ADAMTSL3: variants seen among roughly 807,000 people sequenced by gnomAD.
The protein encoded by ADAMTSL3 is ADAMTS-like protein 3.
ADAMTSL3 carries 128 observed loss-of-function variants against 201.7 expected under a neutral mutation model. That is an observed-to-expected ratio of 0.63 (90% CI 0.55 to 0.73). The LOEUF (loss-of-function observed/expected upper bound fraction) is 0.73. ADAMTSL3 is among the 30% of genes least tolerant of loss of function. The pLI is 0.00. For missense variants in ADAMTSL3, 1,990 were observed against 2,119.6 expected (o/e 0.94, Z 1.20); for synonymous variants, 738 against 748.4 (o/e 0.99, Z 0.23).
chr15:83,982,148 T>G, intron 20 of ADAMTSL3, 125 bp from the exon 21 acceptor site: 1 of 762,350 alleles, frequency 1.3e-6, no homozygotes, highest in Non-Finnish European at 2.0e-6. Context: ...TTCTTGAATG[T>G]TTTAAAATAG....
At chr15:83,960,580 A>G (rs1015505591) in intron 19 of ADAMTSL3, among the ~76,000 whole-genome samples, 3 of 152,254 alleles carry the variant, frequency 2.0e-5, no homozygotes, top group Admixed American at 2.0e-4. Flanking sequence ...GCATATTTTT[A>G]TGCCTCCTTG....
At chr15:84,028,365 T>C (rs543029465) in intron 27 of ADAMTSL3, among the ~76,000 whole-genome samples, 1 of 152,244 alleles carries the variant, frequency 6.6e-6, no homozygotes, top group Admixed American at 6.5e-5. Context: ...AATTCTAACT[T>C]GATTAAAGAG....
intron 7 of ADAMTSL3, among the ~76,000 whole-genome samples, chr15:83,849,944 G>A (rs1002771585): frequency 1.3e-5 from 2 of 152,126 alleles, no homozygotes; most frequent in Non-Finnish European, 2.9e-5. Context: ...ATACATTGAA[G>A]TGAGTGAAAA....
At chr15:83,889,488 CA>C (rs887899627) in intron 10 of ADAMTSL3, among the ~76,000 whole-genome samples, 1 of 152,174 alleles carries the variant, frequency 6.6e-6, no homozygotes, top group African/African-American at 2.4e-5. Flanking sequence ...ATTTAAAACA[CA>C]TTATCATTTA....
intron 17 of ADAMTSL3, among the ~76,000 whole-genome samples, chr15:83,932,755 C>A (rs1438965179): frequency 1.3e-5 from 2 of 152,250 alleles, no homozygotes; most frequent in African/African-American, 4.8e-5. Context: ...TATCTTCTAC[C>A]CAGACCTTAA....
intron 23 of ADAMTSL3, among the ~76,000 whole-genome samples, chr15:83,995,843 G>A (rs1021200223): frequency 4.6e-5 from 7 of 152,112 alleles, no homozygotes; most frequent in Non-Finnish European, 7.4e-5. Flanking sequence ...GAATAACAAG[G>A]TGGGTGAGAT....
chr15:84,002,491 T>G (rs2141863200), intron 23 of ADAMTSL3, among the ~76,000 whole-genome samples: 1 of 152,334 alleles, frequency 6.6e-6, no homozygotes, highest in South Asian at 2.1e-4. Flanking sequence ...AACAACAGAC[T>G]GACCCAAAAG....
At chr15:83,995,182 T>A (rs1001567333) in intron 23 of ADAMTSL3, among the ~76,000 whole-genome samples, 1 of 152,150 alleles carries the variant, frequency 6.6e-6, no homozygotes, top group African/African-American at 2.4e-5. Context: ...GTGAAGGGAC[T>A]AACAACCAGA....
At chr15:83,818,998 C>G (rs1056601826) in intron 5 of ADAMTSL3, among the ~76,000 whole-genome samples, 8 of 152,130 alleles carry the variant, frequency 5.3e-5, no homozygotes, top group Non-Finnish European at 1.0e-4. Flanking sequence ...ACAGGCCGGG[C>G]ACTGTGGCTC....
chr15:83,870,742 CTT>C (rs1329350246), intron 8 of ADAMTSL3, 58 bp from the exon 9 acceptor site: 2 of 1,391,840 alleles, frequency 1.4e-6, no homozygotes, highest in Non-Finnish European at 9.7e-7. Context: ...GCTAAAATGT[CTT>C]TTGTAATAAA....
chr15:83,814,974 G>C (rs1001872176), intron 5 of ADAMTSL3, among the ~76,000 whole-genome samples: 2 of 152,170 alleles, frequency 1.3e-5, no homozygotes, highest in Admixed American at 1.3e-4. Flanking sequence ...GGTTTTAGGA[G>C]GGGAAGGAGA....
In ADAMTSL3 at chr15:83,773,545, A is replaced by G; in HGVS notation, c.212A>G (p.Asp71Gly). 1 of 1,613,894 alleles carries G rather than the reference A, an allele frequency of 6.2e-7. No homozygotes were observed. The highest frequency in any genetic ancestry group is 8.5e-7 in the Non-Finnish European group (1 of 1,179,976). ...DDQTSRNTRS[D>G]EDKDGNWDAW... ...TAGACCTCAAGAAACACTCGTTCAG[A>G]TGAAGACAAAGATGGCAACTGGGAT... The change falls in exon 4 of 30, where the codon GAT becomes GGT. Residue 71 changes from aspartate (D) to glycine (G), a missense_variant. Transcript: ENST00000286744.
At chr15:83,752,556 A>G (rs1188957972) in intron 3 of ADAMTSL3, among the ~76,000 whole-genome samples, 1 of 152,192 alleles carries the variant, frequency 6.6e-6, no homozygotes, top group African/African-American at 2.4e-5. Flanking sequence ...TTTACTTTCA[A>G]CTTTGTGACC....
At position 84,037,888 on chromosome 15, in the gene ADAMTSL3, CAT is replaced by C. The variant is rs1192700221; in HGVS notation, c.*83_*84del. On this transcript the variant is annotated 3_prime_UTR_variant, in exon 30 of 30. Transcript: ENST00000286744. ...TTTCCCCATGTCGCTGATTCAAAAACATGTATTTCTTAAAAGACTAGATTCTA... is the reference window on the plus strand; with the variant it reads ...TTTCCCCATGTCGCTGATTCAAAAACGTATTTCTTAAAAGACTAGATTCTA... 9.3e-6 allele frequency: 14 copies of C among 1,506,944 alleles called. No homozygotes were observed. Among genetic ancestry groups the C allele is most frequent in the African/African-American group, 1.4e-5 (1 of 71,218 alleles). The allele number at this position is 1,506,944 out of a possible 1,614,324, so 93.3% of individuals were successfully genotyped here.
intron 3 of ADAMTSL3, among the ~76,000 whole-genome samples, chr15:83,734,454 A>G (rs188210773): frequency 2.1e-4 from 32 of 152,308 alleles, no homozygotes; most frequent in African/African-American, 7.2e-4. Flanking sequence ...TGGCGTTACC[A>G]GGACACAGCT....
intron 3 of ADAMTSL3, among the ~76,000 whole-genome samples, chr15:83,764,742 G>C (rs1210375720): frequency 6.6e-6 from 1 of 152,086 alleles, no homozygotes; most frequent in Non-Finnish European, 1.5e-5. Flanking sequence ...TGGTTTCCCT[G>C]TACCCTGTCC....
chr15:83,782,909 AGC>A (rs1027772901), intron 4 of ADAMTSL3, among the ~76,000 whole-genome samples: 7 of 53,994 alleles, frequency 1.3e-4, no homozygotes, highest in African/African-American at 3.1e-4. Flanking sequence ...AGCAATGGAT[AGC>A]GTATATATAT....
intron 3 of ADAMTSL3, among the ~76,000 whole-genome samples, chr15:83,728,108 A>C (rs1026530599): frequency 1.3e-5 from 2 of 151,944 alleles, no homozygotes; most frequent in African/African-American, 2.4e-5. Flanking sequence ...CCTCTTTATC[A>C]TTATATAATG....
chr15:84,029,687 A>G (rs1485396263), intron 27 of ADAMTSL3, among the ~76,000 whole-genome samples: 1 of 152,200 alleles, frequency 6.6e-6, no homozygotes, highest in African/African-American at 2.4e-5. Flanking sequence ...AGAAATTTGC[A>G]TAAGGAATGA....
Sources: gnomAD v4.1 joint callset for allele counts (sites outside exome capture counted in the v4.1 genomes callset) on GRCh38, gnomAD v4.1.1 for gene constraint, MANE v1.5 for transcripts, NCBI Gene and HGNC (gene_info 2026-07-23, HGNC 2026-07-21) for gene names.